The following GPC5 variants were observed in gnomAD, a reference collection of about 807,000 sequenced individuals.
The protein encoded by GPC5 is glypican-5.
Under a neutral mutation model 53.9 loss-of-function variants are expected in GPC5, and 47 were observed. The observed-to-expected ratio is 0.87, with a 90% CI of 0.69 to 1.11. The LOEUF (loss-of-function observed/expected upper bound fraction) is 1.11, where lower values mean the gene tolerates loss of function less well. Among genes scored for constraint, GPC5 ranks in the 50% most tolerant of loss-of-function variants. The pLI is 0.00. For missense variants in GPC5, 748 were observed against 713.1 expected, an observed-to-expected ratio of 1.05 and a Z score of -0.56; for synonymous variants, 286 against 263.3, an observed-to-expected ratio of 1.09 and a Z score of -0.84.
intron 6 of GPC5, among the ~76,000 whole-genome samples, chr13:91,943,297 G>A (rs2039945069): frequency 6.6e-6 from 1 of 151,796 alleles, no homozygotes; most frequent in African/African-American, 2.4e-5. Context: ...ATATCATGTA[G>A]TGTATGTTAT....
At chr13:92,826,880 G>A (rs1877867872) in intron 7 of GPC5, among the ~76,000 whole-genome samples, 1 of 151,902 alleles carries the variant, frequency 6.6e-6, no homozygotes, top group African/African-American at 2.4e-5. Flanking sequence ...CTTTAACAAG[G>A]CTTATTGACT....
intron 7 of GPC5, among the ~76,000 whole-genome samples, chr13:92,281,293 C>T (rs1190742596): frequency 2.0e-5 from 3 of 152,310 alleles, no homozygotes; most frequent in South Asian, 2.1e-4. Flanking sequence ...AGGAGGCTTG[C>T]CTGCCTCTGT....
intron 6 of GPC5, among the ~76,000 whole-genome samples, chr13:92,074,456 A>T (rs2138870275): frequency 6.6e-6 from 1 of 152,326 alleles, no homozygotes; most frequent in Admixed American, 6.5e-5. Context: ...TGTATCTAGA[A>T]AACCAAAACA....
At chr13:91,771,563 A>G (rs1223496052) in intron 5 of GPC5, among the ~76,000 whole-genome samples, 1 of 152,168 alleles carries the variant, frequency 6.6e-6, no homozygotes, top group African/African-American at 2.4e-5. Context: ...AAAATGAAGA[A>G]TATAATTTTG....
intron 7 of GPC5, among the ~76,000 whole-genome samples, chr13:92,602,233 C>CATATATATAT (rs149450440): frequency 0.043 from 5,067 of 119,128 alleles, 181 homozygotes; most frequent in Non-Finnish European, 0.063. Context: ...ATATATATAA[C>CATATATATAT]ATATATATAT....
chr13:92,071,591 A>C (rs1173617185), intron 6 of GPC5, among the ~76,000 whole-genome samples: 1 of 152,028 alleles, frequency 6.6e-6, no homozygotes, highest in Admixed American at 6.6e-5. Flanking sequence ...ATCATTAAAA[A>C]GTCATTTATA....
intron 7 of GPC5, among the ~76,000 whole-genome samples, chr13:92,413,171 A>C (rs1277940024): frequency 6.6e-6 from 1 of 152,138 alleles, no homozygotes; most frequent in Non-Finnish European, 1.5e-5. Context: ...TTGAACCTTG[A>C]TTATATTTCA....
At chr13:92,425,573 G>C (rs1876795459) in intron 7 of GPC5, among the ~76,000 whole-genome samples, 2 of 152,082 alleles carry the variant, frequency 1.3e-5, no homozygotes. Flanking sequence ...TAAATGCAGA[G>C]TCAGATTCCA....
intron 7 of GPC5, among the ~76,000 whole-genome samples, chr13:92,403,348 C>T (rs946160719): frequency 2.0e-5 from 3 of 152,150 alleles, no homozygotes; most frequent in African/African-American, 7.2e-5. Flanking sequence ...AAGCCATGGC[C>T]GCCAACTGGA....
chr13:92,117,034 T>A (rs933936077), intron 6 of GPC5, among the ~76,000 whole-genome samples: 9 of 152,178 alleles, frequency 5.9e-5, no homozygotes, highest in Non-Finnish European at 7.4e-5. Flanking sequence ...AAATTTTTAA[T>A]TTGGATGAAG....
At chr13:92,743,804 A>T (rs1320996427) in intron 7 of GPC5, among the ~76,000 whole-genome samples, 4 of 152,130 alleles carry the variant, frequency 2.6e-5, no homozygotes, top group African/African-American at 9.7e-5. Flanking sequence ...AAGGCTGTTG[A>T]ATTTTGTCAA....
At chr13:92,219,526 G>T (rs577369659) in intron 7 of GPC5, among the ~76,000 whole-genome samples, 15 of 152,176 alleles carry the variant, frequency 9.9e-5, no homozygotes, top group Non-Finnish European at 1.5e-4. Flanking sequence ...GTAACACAAG[G>T]ATCAGAAGCT....
intron 6 of GPC5, among the ~76,000 whole-genome samples, chr13:91,943,426 G>A (rs189337217): frequency 5.3e-5 from 8 of 152,038 alleles, no homozygotes; most frequent in Non-Finnish European, 8.8e-5. Context: ...TGGAAGAGAC[G>A]TTTTTAGATC....
chr13:92,294,449 T>C (rs577410898), intron 7 of GPC5, among the ~76,000 whole-genome samples: 3 of 152,188 alleles, frequency 2.0e-5, no homozygotes, highest in Non-Finnish European at 4.4e-5. Flanking sequence ...TTTCCAGGAA[T>C]TTATCCATCT....
chr13:92,154,007 G>A (rs2041925319), intron 7 of GPC5, among the ~76,000 whole-genome samples: 1 of 152,158 alleles, frequency 6.6e-6, no homozygotes, highest in African/African-American at 2.4e-5. Flanking sequence ...GAAGTAAGGA[G>A]GTTCATTTTG....
chr13:91,504,380 CATT>C (rs1157111682), intron 2 of GPC5, among the ~76,000 whole-genome samples: 1 of 151,904 alleles, frequency 6.6e-6, no homozygotes, highest in Non-Finnish European at 1.5e-5. Flanking sequence ...TCATTAATAA[CATT>C]ATTCTATAAG....
intron 7 of GPC5, among the ~76,000 whole-genome samples, chr13:92,333,819 A>G (rs552815166): frequency 6.6e-6 from 1 of 152,258 alleles, no homozygotes; most frequent in South Asian, 2.1e-4. Flanking sequence ...GGATATTGGA[A>G]TTTTCAGACT....
Position 91,491,664 on chromosome 13 carries a change from G to A in GPC5, c.325+42742G>A, listed in dbSNP as rs572628730. ...CTTGCCCTTGCTCCTGAAGCTCTAGGGGACATTCCACTCCTTGCCTCTTCC... is the reference window on the plus strand; with the variant it reads ...CTTGCCCTTGCTCCTGAAGCTCTAGAGGACATTCCACTCCTTGCCTCTTCC... On this transcript the variant is annotated intron_variant, in intron 2 of 7. Transcript: ENST00000377067. Among the ~76,000 whole-genome samples the A allele has an allele frequency of 2.6e-5, 4 of 152,190 alleles. No individual in the cohort carries two copies. The East Asian group carries it at 7.7e-4, about 29-fold the overall frequency.
intron 7 of GPC5, among the ~76,000 whole-genome samples, chr13:92,608,784 A>G (rs1884339906): frequency 6.6e-6 from 1 of 152,172 alleles, no homozygotes; most frequent in Non-Finnish European, 1.5e-5. Context: ...TTTGTTATAC[A>G]CAATTGTCAT....
Sources: allele counts gnomAD v4.1 joint callset (sites outside exome capture counted in the v4.1 genomes callset), GRCh38; gene constraint gnomAD v4.1.1; transcripts MANE v1.5; gene names NCBI Gene and HGNC (gene_info 2026-07-23, HGNC 2026-07-21).